Variants in WNT5B observed in about 807,000 individuals in gnomAD.
WNT5B encodes protein Wnt-5b.
A neutral mutation model predicts 36.5 loss-of-function variants in WNT5B; 18 were observed. The ratio of observed to expected loss-of-function variants is 0.49; its 90% confidence interval spans 0.34 to 0.73. WNT5B has a LOEUF of 0.73. WNT5B is among the 30% of genes least tolerant of loss of function. The pLI is 0.01. For synonymous variants in WNT5B, 213 were observed against 212.3 expected, an observed-to-expected ratio of 1.00 and a Z score of -0.03; for missense variants, 424 against 508.4, an observed-to-expected ratio of 0.83 and a Z score of 1.60.
chr12:1,643,846 T>C lies in WNT5B; in HGVS notation c.622-1948T>C, dbSNP rs973624964. On this transcript the variant is annotated intron_variant, in intron 4 of 4. Transcript: ENST00000397196. ...TATATATAAAATCAGTAGTAAAATA[T>C]GAAAAAAATTGCAGATATTCCTATC... Among the ~76,000 whole-genome samples, 6 of 151,776 alleles carry C rather than the reference T, an allele frequency of 4.0e-5. No individual in the cohort carries two copies. The East Asian group carries it at 9.7e-4, about 24-fold the overall frequency.
upstream of WNT5B, among the ~76,000 whole-genome samples, chr12:1,626,510 G>A (rs908630261): frequency 1.3e-5 from 2 of 150,924 alleles, no homozygotes; most frequent in Non-Finnish European, 2.9e-5. Context: ...TAATCCACCT[G>A]CCTCGGCCTC....
intron 3 of WNT5B, among the ~76,000 whole-genome samples, chr12:1,637,290 T>A (rs765178187): frequency 1.3e-5 from 2 of 152,230 alleles, no homozygotes; most frequent in Non-Finnish European, 2.9e-5. Context: ...TATGTCCATT[T>A]TTGTGTGGAC....
chr12:1,633,180 T>C lies in WNT5B; in HGVS notation c.328+275T>C, dbSNP rs1464886313. On this transcript the variant is annotated intron_variant, in intron 3 of 4. Transcript: ENST00000397196. The surrounding 1 kb of genome is among the most constrained non-coding windows in gnomAD (Gnocchi z 4.8). ...GACTCACTGAGAGGGGGCAGGTTGC[T>C]TGGGACTCACTGAGAGGGGGCAGGA... Among the ~76,000 whole-genome samples the C allele has an allele frequency of 6.6e-6, 1 of 152,048 alleles. No homozygotes were observed. Among genetic ancestry groups the C allele is most frequent in the African/African-American group, 2.4e-5 (1 of 41,396 alleles).
chr12:1,618,207 C>T lies in WNT5B; in HGVS notation c.-58+1064C>T, dbSNP rs2094529478. 6.6e-6 allele frequency among the ~76,000 whole-genome samples: 1 copy of T among 152,130 alleles called. No individual in the cohort carries two copies. Among genetic ancestry groups the T allele is most frequent in the South Asian group, 2.1e-4 (1 of 4,822 alleles). ...TGGTTTTAAAAGTTGCATGGTTTCC[C>T]CAGGTCCTTTAAAAATACGCTCCAT... is the stretch of plus-strand genomic sequence containing the variant. On this transcript the variant is annotated intron_variant, in intron 1 of 4. Coordinates refer to the WNT5B transcript ENST00000310594. This position sits in a 1 kb window ranked among gnomAD's most constrained non-coding sequence, Gnocchi z 4.1.
At position 1,618,437 on chromosome 12, in the gene WNT5B, C is replaced by G. The variant is rs2094529745; in HGVS notation, c.-58+1294C>G. On this transcript the variant is annotated intron_variant, in intron 1 of 4. Coordinates refer to the WNT5B transcript ENST00000310594. This position sits in a 1 kb window ranked among gnomAD's most constrained non-coding sequence, Gnocchi z 4.1. ...AATGTTTTTCCCCTATAGTACAATA[C>G]CCCAGAACTCTAGATCTGGTGAAAA... Among the ~76,000 whole-genome samples, 1 of 152,128 alleles carries G rather than the reference C, an allele frequency of 6.6e-6. No homozygotes were observed. Among genetic ancestry groups the G allele is most frequent in the Admixed American group, 6.5e-5 (1 of 15,268 alleles).
chr12:1,632,735 G>A lies in WNT5B; in HGVS notation c.158G>A (p.Gly53Glu). 1 of 1,613,948 alleles carries A rather than the reference G, an allele frequency of 6.2e-7. No individual in the cohort carries two copies. Among genetic ancestry groups the A allele is most frequent in the Non-Finnish European group, 8.5e-7 (1 of 1,179,866 alleles). Residue 53 changes from glycine to glutamate, a missense_variant, in exon 3 of 5, where the codon GGG becomes GAG. By Grantham distance (98) the Gly-to-Glu change is moderately conservative. Transcript: ENST00000397196. The surrounding 1 kb of genome is among the most constrained non-coding windows in gnomAD (Gnocchi z 5.8). Reference protein sequence around the residue: ...GAQPVCSQLPGLSPGQRKLCQ... With the variant: ...GAQPVCSQLPELSPGQRKLCQ... ...CAGCCCGTGTGCAGTCAGCTTCCCG[G>A]GCTCTCCCCTGGCCAGAGGAAGCTG...
At chr12:1,636,596 A>C (rs1228783264) in intron 3 of WNT5B, among the ~76,000 whole-genome samples, 1 of 139,896 alleles carries the variant, frequency 7.1e-6, no homozygotes, top group African/African-American at 2.7e-5. Context: ...GCTGGAGTGC[A>C]GTGGTGTAAT....
rs997898323 is a variant in WNT5B at position 1,630,555 on chromosome 12, T to C, written c.-57-743T>C. 6.6e-6 allele frequency among the ~76,000 whole-genome samples: 1 copy of C among 151,846 alleles called. No homozygotes were observed. Among genetic ancestry groups the C allele is most frequent in the African/African-American group, 2.4e-5 (1 of 41,288 alleles). On this transcript the variant is annotated intron_variant, in intron 1 of 4. Coordinates refer to ENST00000397196, the MANE Select transcript of WNT5B (RefSeq NM_032642.3). This position sits in a 1 kb window ranked among gnomAD's most constrained non-coding sequence, Gnocchi z 5.3. ...TCGGCAGTGTCCCCGGTGCAGCTGC[T>C]GGGCAAGGTACTCGGTGCCGCCCTC...
chr12:1,637,618 C>G (rs1030987283), intron 3 of WNT5B, among the ~76,000 whole-genome samples: 1 of 148,782 alleles, frequency 6.7e-6, no homozygotes, highest in Non-Finnish European at 1.5e-5. Flanking sequence ...GGCGCGGTGG[C>G]AGGTGCCTGT....
At position 1,646,080 on chromosome 12, in the gene WNT5B, T is replaced by C; in HGVS notation, c.908T>C (p.Leu303Pro). ...STGSLGTQGR[L>P]CNKTSEGMDG... ...GGCTCCCTGGGCACGCAGGGCCGCCTCTGCAACAAGACCTCGGAGGGCATG... is the reference window on the plus strand; with the variant it reads ...GGCTCCCTGGGCACGCAGGGCCGCCCCTGCAACAAGACCTCGGAGGGCATG... The change falls in exon 5 of 5, where the codon CTC becomes CCC. Residue 303 changes from leucine (L) to proline (P), a missense_variant. Physicochemically the swap from Leu to Pro is moderately conservative, Grantham distance 98. Coordinates refer to ENST00000397196, the MANE Select transcript of WNT5B (RefSeq NM_032642.3). The C allele has an allele frequency of 6.2e-7, 1 of 1,613,942 alleles. No individual in the cohort carries two copies. The highest frequency in any genetic ancestry group is 8.5e-7 in the Non-Finnish European group (1 of 1,180,034).
intron 3 of WNT5B, among the ~76,000 whole-genome samples, chr12:1,635,044 G>A (rs182929033): frequency 9.0e-4 from 137 of 152,252 alleles, no homozygotes; most frequent in East Asian, 6.0e-3. Context: ...CTGAAGCCCC[G>A]AATTATCTCT....
chr12:1,640,739 C>T (rs2270038), intron 4 of WNT5B, among the ~76,000 whole-genome samples: 103,170 of 152,082 alleles, frequency 0.68, 35,215 homozygotes, highest in East Asian at 0.82. Flanking sequence ...TCCTGAAAAC[C>T]CCCCCTCTGA....
rs371734267 is a variant in WNT5B, at chr12:1,645,878, G to T, written c.706G>T (p.Ala236Ser). The change falls in exon 5 of 5, where the codon GCC becomes TCC. Residue 236 changes from alanine (A) to serine (S), a missense_variant. Ala to Ser is a moderately conservative substitution (Grantham distance 99, BLOSUM62 1). Transcript: ENST00000397196. ...CCTCAAGACCTGCTGGCTGCAGCTG[G>T]CCGAGTTCCGCAAGGTCGGGGACCG... ...CSLKTCWLQL[A>S]EFRKVGDRLK... 6.2e-7 allele frequency: 1 copy of T among 1,611,340 alleles called. No individual in the cohort carries two copies. Among genetic ancestry groups the T allele is most frequent in the Non-Finnish European group, 8.5e-7 (1 of 1,179,488 alleles).
At chr12:1,620,371 T>A (rs1291430306) in intron 1 of WNT5B, among the ~76,000 whole-genome samples, 1 of 152,250 alleles carries the variant, frequency 6.6e-6, no homozygotes. Context: ...CTCAATATTA[T>A]GTTCAGAAGA....
chr12:1,636,504 T>C (rs1467210382), intron 3 of WNT5B, among the ~76,000 whole-genome samples: 124 of 6,922 alleles, frequency 0.018, 1 homozygote, highest in African/African-American at 0.04. Context: ...AGTCTATATA[T>C]ATATATATAT....
Position 1,631,417 on chromosome 12 carries a change from A to G in WNT5B, c.63A>G (p.Thr21=). 1.2e-6 allele frequency: 2 copies of G among 1,614,180 alleles called. No homozygotes were observed. The highest frequency in any genetic ancestry group is 8.5e-7 in the Non-Finnish European group (1 of 1,180,024). ...ALLSSWAQLL[T]DANSWWSLAL... is the part of the protein sequence containing the mutation. ...TGTCCAGCTGGGCTCAGCTTCTGAC[A>G]GACGCCAACTCCTGGTGGTGAGTAA... Residue 21 remains threonine, a synonymous_variant, in exon 2 of 5, where the codon ACA becomes ACG. Transcript: ENST00000397196.
chr12:1,635,599 G>T (rs2094559122), intron 3 of WNT5B, among the ~76,000 whole-genome samples: 1 of 152,230 alleles, frequency 6.6e-6, no homozygotes, highest in Non-Finnish European at 1.5e-5. Flanking sequence ...TAGAGGGAAA[G>T]CTTCCGGTGG....
At chr12:1,643,826 A>G (rs192361548) in intron 4 of WNT5B, among the ~76,000 whole-genome samples, 149 of 151,410 alleles carry the variant, frequency 9.8e-4, no homozygotes, top group African/African-American at 3.4e-3. Context: ...ATATATATAT[A>G]TAAAATCAGT....
upstream of WNT5B, among the ~76,000 whole-genome samples, chr12:1,626,844 T>C (rs905989642): frequency 2.0e-4 from 31 of 152,252 alleles, no homozygotes; most frequent in Non-Finnish European, 3.5e-4. Flanking sequence ...GGGTTACAGT[T>C]GTGAGCCACT....
Sources: allele counts gnomAD v4.1 joint callset (sites outside exome capture counted in the v4.1 genomes callset), GRCh38; gene constraint gnomAD v4.1.1; non-coding constraint Gnocchi (gnomAD v3.1); transcripts MANE v1.5; gene names NCBI Gene and HGNC (gene_info 2026-07-23, HGNC 2026-07-21).